The following ERBB4 variants were observed in gnomAD, a reference collection of about 807,000 sequenced individuals.
The protein encoded by ERBB4 is receptor tyrosine-protein kinase erbB-4.
A neutral mutation model predicts 158.0 loss-of-function variants in ERBB4; 42 were observed. That is an observed-to-expected ratio of 0.27 (90% CI 0.21 to 0.34). The LOEUF (loss-of-function observed/expected upper bound fraction) is 0.34. Among genes scored for constraint, ERBB4 ranks in the 10% least tolerant of loss-of-function variants. The pLI is 1.00. For missense variants in ERBB4, 1,333 were observed against 1,624.1 expected (o/e 0.82, Z 3.08); for synonymous variants, 583 against 558.7 (o/e 1.04, Z -0.61).
intron 1 of ERBB4, among the ~76,000 whole-genome samples, chr2:212,409,787 T>C (rs998420738): frequency 2.9e-4 from 44 of 151,630 alleles, no homozygotes; most frequent in Admixed American, 2.8e-3. Context: ...AAAGACTGAA[T>C]GATTCAATGA....
intron 20 of ERBB4, among the ~76,000 whole-genome samples, chr2:211,464,731 T>C (rs1452357375): frequency 6.6e-5 from 10 of 152,090 alleles, no homozygotes; most frequent in African/African-American, 9.7e-5. Context: ...TAAATAAATA[T>C]GAGCAAGTTT....
intron 19 of ERBB4, among the ~76,000 whole-genome samples, chr2:211,578,873 C>G (rs896001351): frequency 2.0e-5 from 3 of 152,042 alleles, no homozygotes; most frequent in Admixed American, 1.3e-4. Context: ...CTAGGCAATA[C>G]CATTCAGGAC....
chr2:212,413,247 A>AAGT (rs1475200198), intron 1 of ERBB4, among the ~76,000 whole-genome samples: 1 of 150,556 alleles, frequency 6.6e-6, no homozygotes, highest in African/African-American at 2.4e-5. Context: ...CGGCCTCCCA[A>AAGT]AGTGCTGGGA....
At chr2:212,528,536 G>T (rs555981864) in intron 1 of ERBB4, among the ~76,000 whole-genome samples, 1 of 152,228 alleles carries the variant, frequency 6.6e-6, no homozygotes, top group South Asian at 2.1e-4. Context: ...TTCAGGCAAA[G>T]TTTCTAATAT....
At chr2:212,063,800 G>A (rs2077855306) in intron 2 of ERBB4, among the ~76,000 whole-genome samples, 1 of 152,104 alleles carries the variant, frequency 6.6e-6, no homozygotes, top group Non-Finnish European at 1.5e-5. Context: ...GGGGTTAAAG[G>A]ATTTAATTCA....
chr2:211,745,503 T>A (rs2074938170), intron 5 of ERBB4, among the ~76,000 whole-genome samples: 1 of 152,102 alleles, frequency 6.6e-6, no homozygotes, highest in Non-Finnish European at 1.5e-5. Context: ...CCACCAGGTG[T>A]CAGTAGACTT....
intron 2 of ERBB4, among the ~76,000 whole-genome samples, chr2:212,061,934 C>T (rs775570002): frequency 1.3e-4 from 20 of 151,714 alleles, no homozygotes; most frequent in Non-Finnish European, 2.4e-4. Context: ...AGGGTTTCTC[C>T]ATGTTGGTCA....
chr2:211,720,458 G>A (rs942731667), intron 7 of ERBB4, among the ~76,000 whole-genome samples: 3 of 152,164 alleles, frequency 2.0e-5, no homozygotes, highest in Non-Finnish European at 4.4e-5. Flanking sequence ...ACTGCTTTGT[G>A]ATCAGCAGAT....
At chr2:212,065,053 C>A (rs2077902164) in intron 2 of ERBB4, among the ~76,000 whole-genome samples, 1 of 148,956 alleles carries the variant, frequency 6.7e-6, no homozygotes, top group Admixed American at 6.7e-5. Flanking sequence ...TGTTTTCTGA[C>A]TTTCATTGAC....
At chr2:212,298,823 A>G (rs1352266497) in intron 1 of ERBB4, among the ~76,000 whole-genome samples, 1 of 151,752 alleles carries the variant, frequency 6.6e-6, no homozygotes, top group African/African-American at 2.4e-5. Flanking sequence ...TTTAATGGAT[A>G]TAGTAAATAT....
In ERBB4 at chr2:212,181,269, A is replaced by G. The variant is rs539018385; in HGVS notation, c.83-56366T>C. 5.9e-5 allele frequency among the ~76,000 whole-genome samples: 9 copies of G among 151,792 alleles called. No homozygotes were observed. In the East Asian group the frequency reaches 1.7e-3, roughly 29 times the overall value. ...TTCTATTTTTCAGATGTTTAGCTTTATACACATCAAATAGCCATCACAGAG... is the reference window on the plus strand; with the variant it reads ...TTCTATTTTTCAGATGTTTAGCTTTGTACACATCAAATAGCCATCACAGAG... On this transcript the variant is annotated intron_variant, in intron 1 of 27. Coordinates refer to ENST00000342788, the MANE Select transcript of ERBB4 (RefSeq NM_005235.3).
At chr2:212,385,074 G>T (rs898111535) in intron 1 of ERBB4, among the ~76,000 whole-genome samples, 3 of 151,368 alleles carry the variant, frequency 2.0e-5, no homozygotes, top group Non-Finnish European at 3.0e-5. Context: ...ATTCAACAGT[G>T]TTTGCAAACT....
chr2:211,630,694 CA>C (rs2070084806), intron 16 of ERBB4, 100 bp from the exon 17 acceptor site: 1 of 1,054,610 alleles, frequency 9.5e-7, no homozygotes, highest in African/African-American at 1.6e-5. Context: ...CCACATTTCA[CA>C]AATCTAGTCA....
At chr2:212,448,319 G>A (rs1476730327) in intron 1 of ERBB4, among the ~76,000 whole-genome samples, 1 of 152,158 alleles carries the variant, frequency 6.6e-6, no homozygotes, top group Non-Finnish European at 1.5e-5. Flanking sequence ...GCGTACATCA[G>A]AATGAAATGT....
At chr2:211,676,000 T>G (rs1311350736) in intron 13 of ERBB4, among the ~76,000 whole-genome samples, 2 of 152,018 alleles carry the variant, frequency 1.3e-5, no homozygotes, top group Non-Finnish European at 2.9e-5. Flanking sequence ...TAATCACAAC[T>G]GTCCTATAAA....
chr2:211,795,176 G>T (rs2076356506), intron 3 of ERBB4, among the ~76,000 whole-genome samples: 1 of 151,806 alleles, frequency 6.6e-6, no homozygotes. Context: ...AGAGAGACAG[G>T]TGGTAGGGGA....
At chr2:212,487,605 G>T (rs1690045595) in intron 1 of ERBB4, among the ~76,000 whole-genome samples, 2 of 150,846 alleles carry the variant, frequency 1.3e-5, no homozygotes, top group Admixed American at 6.6e-5. Context: ...GAACCTATAT[G>T]TGGCTGCAAT....
intron 1 of ERBB4, among the ~76,000 whole-genome samples, chr2:212,322,713 G>A (rs1341921209): frequency 1.3e-5 from 2 of 150,072 alleles, no homozygotes; most frequent in Non-Finnish European, 1.5e-5. Flanking sequence ...TCAGAGAAGT[G>A]GAATTCTACG....
chr2:212,154,350 TA>T (rs1468481702), intron 1 of ERBB4, among the ~76,000 whole-genome samples: 3 of 152,178 alleles, frequency 2.0e-5, no homozygotes, highest in Non-Finnish European at 4.4e-5. Context: ...GATTTTTCTA[TA>T]AATTAAGGAA....
Sources: allele counts gnomAD v4.1 joint callset (sites outside exome capture counted in the v4.1 genomes callset), GRCh38; gene constraint gnomAD v4.1.1; transcripts MANE v1.5; gene names NCBI Gene and HGNC (gene_info 2026-07-23, HGNC 2026-07-21).